Variants in RPSA2 observed in about 807,000 individuals in gnomAD.
The protein encoded by RPSA2 is ribosomal protein SA 2.
At chr19:23,790,601 G>A in the RPSA2 span, among the ~76,000 whole-genome samples, 5 of 152,106 alleles carry the variant, frequency 3.3e-5, no homozygotes, top group Admixed American at 1.3e-4. Flanking sequence ...CAGACAGAGC[G>A]ACTTCCAGGT....
At chr19:23,870,137 C>T in the RPSA2 span, among the ~76,000 whole-genome samples, 2 of 152,176 alleles carry the variant, frequency 1.3e-5, no homozygotes, top group Non-Finnish European at 2.9e-5. Context: ...ACTCATCATG[C>T]CTGTAGAGCC....
At chr19:23,774,773 T>TA in the RPSA2 span, among the ~76,000 whole-genome samples, 1 of 152,198 alleles carries the variant, frequency 6.6e-6, no homozygotes, top group African/African-American at 2.4e-5. Context: ...ACCCATGTGA[T>TA]ATGACTCTAC....
the RPSA2 span, among the ~76,000 whole-genome samples, chr19:23,822,677 ACTTC>A: frequency 6.6e-6 from 1 of 151,990 alleles, no homozygotes; most frequent in African/African-American, 2.4e-5. Flanking sequence ...GATCATCTTG[ACTTC>A]CTTCTTCACC....
chr19:23,859,563 G>T, the RPSA2 span, among the ~76,000 whole-genome samples: 4 of 152,068 alleles, frequency 2.6e-5, no homozygotes, highest in Non-Finnish European at 5.9e-5. Context: ...GAAGGTGGAG[G>T]TTGCGGTCAG....
chr19:23,787,890 G>A, the RPSA2 span, among the ~76,000 whole-genome samples: 16 of 152,148 alleles, frequency 1.1e-4, no homozygotes, highest in East Asian at 7.7e-4. Context: ...GATGATATGA[G>A]TTTTCTGCCC....
chr19:23,817,539 A>G, the RPSA2 span: 2 of 152,220 alleles, frequency 1.3e-5, no homozygotes, highest in Non-Finnish European at 2.9e-5. Flanking sequence ...TACATTTAAT[A>G]TAGACTTTTA....
the RPSA2 span, among the ~76,000 whole-genome samples, chr19:23,771,456 C>T: frequency 6.6e-6 from 1 of 152,134 alleles, no homozygotes; most frequent in Non-Finnish European, 1.5e-5. Context: ...ATGTCTCATA[C>T]CTAGAACTAA....
chr19:23,805,515 G>A, the RPSA2 span, among the ~76,000 whole-genome samples: 2 of 151,956 alleles, frequency 1.3e-5, no homozygotes, highest in Admixed American at 6.6e-5. Context: ...ACAGAAATGG[G>A]TAGAGTTTTT....
the RPSA2 span, among the ~76,000 whole-genome samples, chr19:23,847,753 A>C: frequency 2.7e-3 from 411 of 152,292 alleles, no homozygotes; most frequent in African/African-American, 9.6e-3. Flanking sequence ...GGCGTATCTC[A>C]GTACTTATCT....
At chr19:23,858,300 T>C in the RPSA2 span, among the ~76,000 whole-genome samples, 18 of 151,610 alleles carry the variant, frequency 1.2e-4, no homozygotes, top group Non-Finnish European at 2.7e-4. Flanking sequence ...TTAATAGTTT[T>C]AATGTACATT....
At chr19:23,822,900 A>G in the RPSA2 span, among the ~76,000 whole-genome samples, 1 of 152,120 alleles carries the variant, frequency 6.6e-6, no homozygotes, top group East Asian at 1.9e-4. Flanking sequence ...GCTTCCAGCA[A>G]AGCTGATTTT....
At chr19:23,829,140 C>T in the RPSA2 span, among the ~76,000 whole-genome samples, 2 of 152,166 alleles carry the variant, frequency 1.3e-5, no homozygotes, top group Non-Finnish European at 2.9e-5. Flanking sequence ...TTAATGTTTG[C>T]ATGGAATGTC....
At chr19:23,758,706 C>A in the RPSA2 span, 1 of 1,614,166 alleles carries the variant, frequency 6.2e-7, no homozygotes, top group East Asian at 2.2e-5. Flanking sequence ...CCCGCCACAG[C>A]CCCTTCCCCT....
At chr19:23,852,374 A>G in the RPSA2 span, among the ~76,000 whole-genome samples, 1 of 151,896 alleles carries the variant, frequency 6.6e-6, no homozygotes, top group Non-Finnish European at 1.5e-5. Flanking sequence ...ACAAATATAG[A>G]GCTGTGAAGT....
the RPSA2 span, among the ~76,000 whole-genome samples, chr19:23,843,672 G>A: frequency 6.6e-6 from 1 of 152,168 alleles, no homozygotes; most frequent in African/African-American, 2.4e-5. Flanking sequence ...GAGCAGTGGT[G>A]ATATTAAGAT....
chr19:23,841,920 C>T, the RPSA2 span, among the ~76,000 whole-genome samples: 1 of 152,208 alleles, frequency 6.6e-6, no homozygotes, highest in South Asian at 2.1e-4. Context: ...ATTTATCTTA[C>T]ACCCTTTTTC....
chr19:23,845,996 C>T, the RPSA2 span, among the ~76,000 whole-genome samples: 1 of 152,134 alleles, frequency 6.6e-6, no homozygotes, highest in East Asian at 1.9e-4. Context: ...CTCTCTAATG[C>T]TGTGAGTAGA....
the RPSA2 span, among the ~76,000 whole-genome samples, chr19:23,791,707 G>A: frequency 1.3e-5 from 2 of 151,554 alleles, no homozygotes; most frequent in African/African-American, 4.9e-5. Flanking sequence ...GTCCTTGAGT[G>A]TACATTTTTA....
At chr19:23,785,882 G>A in the RPSA2 span, among the ~76,000 whole-genome samples, 1 of 152,142 alleles carries the variant, frequency 6.6e-6, no homozygotes, top group African/African-American at 2.4e-5. Flanking sequence ...CAAAGTCATA[G>A]GAAATTACCA....
Sources: allele counts gnomAD v4.1 joint callset (sites outside exome capture counted in the v4.1 genomes callset), GRCh38; gene constraint gnomAD v4.1.1; transcripts MANE v1.5; gene names NCBI Gene and HGNC (gene_info 2026-07-23, HGNC 2026-07-21).